Variants in PCDHGB6 observed in about 807,000 individuals in gnomAD.
PCDHGB6 encodes the protein protocadherin gamma-B6.
In PCDHGB6, 51 loss-of-function variants were observed where a neutral mutation model predicts 59.1. The observed-to-expected ratio is 0.86, with a 90% CI of 0.69 to 1.09. The LOEUF is 1.09. PCDHGB6 is among the 50% of genes least tolerant of loss of function. The pLI, the probability that PCDHGB6 is intolerant of heterozygous loss-of-function variation, is 0.00. For missense variants in PCDHGB6, 1,148 were observed against 1,205.1 expected (o/e 0.95, Z 0.70); for synonymous variants, 466 against 495.1 (o/e 0.94, Z 0.78).
At chr5:141,462,523 G>GTGTT (rs2099041548) in intron 1 of PCDHGB6, among the ~76,000 whole-genome samples, 1 of 152,024 alleles carries the variant, frequency 6.6e-6, no homozygotes, top group African/African-American at 2.4e-5. Context: ...GTTAGTAAGA[G>GTGTT]TGTTGTTCAG....
intron 1 of PCDHGB6, among the ~76,000 whole-genome samples, chr5:141,456,306 G>A (rs937409031): frequency 4.6e-5 from 7 of 152,158 alleles, no homozygotes; most frequent in Admixed American, 2.6e-4. Context: ...GAGAACAGCA[G>A]CTAGGGCTCC....
chr5:141,408,660 C>A lies in PCDHGB6; in HGVS notation c.458C>A (p.Ser153Ter). ...TCTGCATCCGCTGGTACACGACTAT[C>A]GCTTGACCCTGCCACGGATCCTGAT... is the stretch of plus-strand genomic sequence containing the variant. ...FESASAGTRLSLDPATDPDIN... is the reference protein window; with the variant it reads ...FESASAGTRL Residue 153 changes from serine to a stop codon, truncating the protein, a stop_gained, in exon 1 of 4, where the codon TCG becomes TAG. Transcript: ENST00000520790. LOFTEE classifies it high-confidence loss of function. The A allele has an allele frequency of 1.9e-6, 3 of 1,613,980 alleles. No homozygotes were observed. The highest frequency in any genetic ancestry group is 1.7e-6 in the Non-Finnish European group (2 of 1,179,882).
intron 1 of PCDHGB6, chr5:141,478,117 C>G (rs1419172538): frequency 1.3e-5 from 21 of 1,614,058 alleles, no homozygotes; most frequent in Non-Finnish European, 1.7e-5. Context: ...TGTCAGTAAC[C>G]GAGGACTCTC....
At chr5:141,413,056 T>A in intron 1 of PCDHGB6, 1 of 1,030,200 alleles carries the variant, frequency 9.7e-7, no homozygotes, top group East Asian at 2.6e-5. Flanking sequence ...GGAAGCTCAC[T>A]CCAGAATTTA....
At position 141,489,302 on chromosome 5, in the gene PCDHGB6, T is replaced by C. The variant is rs1258736404; in HGVS notation, c.2419-5505T>C. 2 of 1,586,886 alleles carry C rather than the reference T, an allele frequency of 1.3e-6. No homozygotes were observed. The highest frequency in any genetic ancestry group is 2.3e-5 in the South Asian group (2 of 85,378). ...TGGCAAGTGCTGTGCATGTTGTCCT[T>C]GTGCTGCTGGGGCTGGGTGTCTGGG... On this transcript the variant is annotated intron_variant, in intron 1 of 3. Transcript: ENST00000520790. The surrounding 1 kb of genome is among the most constrained non-coding windows in gnomAD (Gnocchi z 4.5).
intron 1 of PCDHGB6, chr5:141,419,553 C>T (rs2096398346): frequency 1.2e-5 from 20 of 1,611,902 alleles, no homozygotes; most frequent in Non-Finnish European, 1.4e-5. Flanking sequence ...GTGCTGTACC[C>T]TGCGCTGGGT....
chr5:141,414,184 G>C (rs1228749194), intron 1 of PCDHGB6: 3 of 1,609,416 alleles, frequency 1.9e-6, no homozygotes, highest in Non-Finnish European at 2.5e-6. Flanking sequence ...AACTGCAAAA[G>C]TGTTGATTAC....
intron 2 of PCDHGB6, among the ~76,000 whole-genome samples, chr5:141,503,797 G>A (rs2099831309): frequency 6.6e-6 from 1 of 152,006 alleles, no homozygotes; most frequent in South Asian, 2.1e-4. Context: ...ATCTACTTAG[G>A]GACGGGGAAT....
rs1354360582 is a variant in PCDHGB6 at position 141,491,147 on chromosome 5, A to T, written c.2419-3660A>T. On this transcript the variant is annotated intron_variant, in intron 1 of 3. Transcript: ENST00000520790. The surrounding 1 kb of genome is among the most constrained non-coding windows in gnomAD (Gnocchi z 6.9). ...GTGCGCACAGCCCGGGCCTTACTGG[A>T]GGATGACTCTGACACCCAGCAGGTG... The T allele has an allele frequency of 1.9e-6, 3 of 1,613,980 alleles. No homozygotes were observed. The highest frequency in any genetic ancestry group is 2.5e-6 in the Non-Finnish European group (3 of 1,179,994).
Position 141,505,475 on chromosome 5 carries a change from G to A in PCDHGB6, c.2560G>A (p.Ala854Thr), listed in dbSNP as rs769108315. The A allele has an allele frequency of 2.2e-5, 35 of 1,614,098 alleles. No homozygotes were observed. Among genetic ancestry groups the A allele is most frequent in the South Asian group, 5.5e-5 (5 of 91,090 alleles). ...GCTGCAAGCCATGATCTTGGCGTCC[G>A]CCAGTGGTAAGTGGTGTCAGTGTGT... ...EMLQAMILAS[A>T]SEAADGSSTL... The change falls in exon 3 of 4, where the codon GCC becomes ACC. Residue 854 changes from alanine to threonine, a missense_variant. Physicochemically the swap from Ala to Thr is moderately conservative, Grantham distance 58. Transcript: ENST00000520790.
Position 141,489,555 on chromosome 5 carries a change from A to G in PCDHGB6, c.2419-5252A>G, listed in dbSNP as rs909307566. ...GAGCCAGCACCAGCTGCCTGCTGCC[A>G]GTGCAGGTGGTGACTGAACACCCCC... is the stretch of plus-strand genomic sequence containing the variant. On this transcript the variant is annotated intron_variant, in intron 1 of 3. Transcript: ENST00000520790. The surrounding 1 kb of genome is among the most constrained non-coding windows in gnomAD (Gnocchi z 4.5). 2.5e-6 allele frequency: 4 copies of G among 1,613,998 alleles called. No homozygotes were observed. The African/African-American group carries it at 5.3e-5, about 22-fold the overall frequency.
chr5:141,486,379 G>A lies in PCDHGB6; in HGVS notation c.2419-8428G>A. 2 of 1,614,094 alleles carry A rather than the reference G, an allele frequency of 1.2e-6. No individual in the cohort carries two copies. Among genetic ancestry groups the A allele is most frequent in the Non-Finnish European group, 1.7e-6 (2 of 1,180,000 alleles). ...CATTTGCCCTCAAGTCTGCCTTCAG[G>A]AACCAGTTCTCCCTGGTGACTGCTG... On this transcript the variant is annotated intron_variant, in intron 1 of 3. Transcript: ENST00000520790. The surrounding 1 kb of genome is among the most constrained non-coding windows in gnomAD (Gnocchi z 5.0).
intron 1 of PCDHGB6, chr5:141,415,799 C>T (rs1037967294): frequency 5.2e-6 from 7 of 1,335,782 alleles, no homozygotes; most frequent in Non-Finnish European, 6.7e-6. Context: ...CACCTAGTCT[C>T]AATCAAGGCC....
Position 141,432,298 on chromosome 5 carries a change from A to T in PCDHGB6, c.2418+21678A>T. Reference sequence around the variant, plus strand: ...TGTCCATCAACTCCGACACTGGGGTACTGTATGCGCTGAGCTCCTTCGACT... The same window carrying T: ...TGTCCATCAACTCCGACACTGGGGTTCTGTATGCGCTGAGCTCCTTCGACT... On this transcript the variant is annotated intron_variant, in intron 1 of 3. Transcript: ENST00000520790. The surrounding 1 kb of genome is among the most constrained non-coding windows in gnomAD (Gnocchi z 6.0). The T allele has an allele frequency of 6.2e-7, 1 of 1,614,236 alleles. No homozygotes were observed. Among genetic ancestry groups the T allele is most frequent in the Non-Finnish European group, 8.5e-7 (1 of 1,180,036 alleles).
intron 1 of PCDHGB6, among the ~76,000 whole-genome samples, chr5:141,447,098 A>G (rs2098525979): frequency 6.6e-6 from 1 of 151,934 alleles, no homozygotes. Flanking sequence ...TTTCTTTCAC[A>G]TGATTATATG....
intron 1 of PCDHGB6, among the ~76,000 whole-genome samples, chr5:141,452,299 A>G (rs2098738116): frequency 6.6e-6 from 1 of 152,176 alleles, no homozygotes; most frequent in African/African-American, 2.4e-5. Flanking sequence ...ATAAGAAAAT[A>G]TTAGAGACTC....
chr5:141,501,897 C>T (rs796164763), intron 2 of PCDHGB6, among the ~76,000 whole-genome samples: 17 of 152,230 alleles, frequency 1.1e-4, no homozygotes, highest in African/African-American at 3.4e-4. Flanking sequence ...ATCATGGTTC[C>T]AACCCCACTG....
At chr5:141,421,849 G>C in intron 1 of PCDHGB6, 4 of 1,613,766 alleles carry the variant, frequency 2.5e-6, no homozygotes, top group Non-Finnish European at 3.4e-6. Flanking sequence ...GAAAGAGGCT[G>C]CTCACCTGCT....
Position 141,419,737 on chromosome 5 carries a change from G to A in PCDHGB6, c.2418+9117G>A, listed in dbSNP as rs201663350. 29 of 1,613,836 alleles carry A rather than the reference G, an allele frequency of 1.8e-5. No individual in the cohort carries two copies. In the African/African-American group the frequency reaches 3.6e-4, roughly 20 times the overall value. ...GCCTGGGGCTGCGAACAGGCGAGGTGCGCATGGTGCGTGCTTTGGGTGACA... is the reference window on the plus strand; with the variant it reads ...GCCTGGGGCTGCGAACAGGCGAGGTACGCATGGTGCGTGCTTTGGGTGACA... On this transcript the variant is annotated intron_variant, in intron 1 of 3. Transcript: ENST00000520790.
Sources: allele counts gnomAD v4.1 joint callset (sites outside exome capture counted in the v4.1 genomes callset), GRCh38; gene constraint gnomAD v4.1.1; non-coding constraint Gnocchi (gnomAD v3.1); transcripts MANE v1.5; gene names NCBI Gene and HGNC (gene_info 2026-07-23, HGNC 2026-07-21).